PTK2: variants seen among roughly 807,000 people sequenced by gnomAD.
PTK2 encodes the protein focal adhesion kinase 1.
A neutral mutation model predicts 150.1 loss-of-function variants in PTK2; 45 were observed. That is an observed-to-expected ratio of 0.30 (90% CI 0.24 to 0.38). The LOEUF (loss-of-function observed/expected upper bound fraction) is 0.38, where lower values mean the gene tolerates loss of function less well. Ranked by LOEUF, PTK2 falls within the 10% of genes least tolerant of loss-of-function variation. The probability of loss-of-function intolerance (pLI) is 1.00; values close to 1 mark genes in which losing one functional copy is unlikely to be tolerated. For missense variants in PTK2, 919 were observed against 1,307.3 expected (o/e 0.70, Z 4.58); for synonymous variants, 432 against 449.2 (o/e 0.96, Z 0.48).
chr8:140,675,753 T>G, intron 27 of PTK2: 2 of 433,822 alleles, frequency 4.6e-6, no homozygotes, highest in East Asian at 3.9e-5. Context: ...ACAAACACAG[T>G]GGTCATAACC....
At chr8:140,680,252 A>C (rs1290461108) in intron 27 of PTK2, among the ~76,000 whole-genome samples, 1 of 152,048 alleles carries the variant, frequency 6.6e-6, no homozygotes, top group Non-Finnish European at 1.5e-5. Flanking sequence ...TCTAAGACAG[A>C]GTTTTGCTCT....
intron 8 of PTK2, among the ~76,000 whole-genome samples, chr8:140,828,741 C>T (rs2100113463): frequency 6.6e-6 from 1 of 152,198 alleles, no homozygotes; most frequent in African/African-American, 2.4e-5. Flanking sequence ...AGCAGCATCC[C>T]TTCCACTTAA....
In PTK2 at chr8:140,968,990, C is replaced by A. The variant is rs114231173; in HGVS notation, c.-122+32135G>T. Among the ~76,000 whole-genome samples, 893 of 152,186 alleles carry A rather than the reference C, an allele frequency of 5.9e-3. 14 individuals carry two copies. Among genetic ancestry groups the A allele is most frequent in the African/African-American group, 0.02 (817 of 41,526 alleles). ...TTACCTGAGTAACAGAAGCAGTTTG[C>A]GAAGTGAACAGCTTCAGGTTTAGAT... is the stretch of plus-strand genomic sequence containing the variant. On this transcript the variant is annotated intron_variant, in intron 1 of 31. Coordinates refer to ENST00000522684, the Ensembl canonical transcript of PTK2.
At chr8:140,870,207 AT>A (rs1316666244) in intron 4 of PTK2, among the ~76,000 whole-genome samples, 1 of 152,200 alleles carries the variant, frequency 6.6e-6, no homozygotes, top group African/African-American at 2.4e-5. Context: ...ACAAAATAAA[AT>A]CAATAACCAA....
chr8:140,872,546 TG>T (rs1364237061), intron 4 of PTK2, among the ~76,000 whole-genome samples: 1 of 152,168 alleles, frequency 6.6e-6, no homozygotes, highest in East Asian at 1.9e-4. Context: ...CTGGACTGAC[TG>T]GGGAAGCGCT....
chr8:140,787,141 T>A (rs575551158), intron 14 of PTK2, among the ~76,000 whole-genome samples: 1 of 152,178 alleles, frequency 6.6e-6, no homozygotes, highest in Admixed American at 6.5e-5. Flanking sequence ...TCTAAGAGCA[T>A]GGAGAAGGTA....
intron 7 of PTK2, among the ~76,000 whole-genome samples, chr8:140,835,681 T>C (rs971675597): frequency 6.6e-6 from 1 of 152,184 alleles, no homozygotes; most frequent in Admixed American, 6.5e-5. Context: ...TATGCGACTA[T>C]GTTTTCTCCT....
Position 140,895,060 on chromosome 8 carries a change from A to C in PTK2, c.-32-4291T>G, listed in dbSNP as rs2100155626. Among the ~76,000 whole-genome samples the C allele has an allele frequency of 2.6e-5, 4 of 152,246 alleles. No individual in the cohort carries two copies. The South Asian group carries it at 8.3e-4, about 31-fold the overall frequency. On this transcript the variant is annotated intron_variant, in intron 2 of 31. Coordinates refer to ENST00000522684, the Ensembl canonical transcript of PTK2. ...CAGAGTATATTCTGTGTCTAGCATT[A>C]GGCTAGACAACAATTACAAAATAAC...
At chr8:140,973,915 C>T (rs761513113) in intron 1 of PTK2, among the ~76,000 whole-genome samples, 3 of 152,114 alleles carry the variant, frequency 2.0e-5, no homozygotes, top group Non-Finnish European at 2.9e-5. Flanking sequence ...ATCTTTGCCC[C>T]ATCACACTTT....
intron 14 of PTK2, among the ~76,000 whole-genome samples, chr8:140,786,542 T>C (rs984016309): frequency 4.6e-5 from 7 of 152,158 alleles, no homozygotes; most frequent in Non-Finnish European, 8.8e-5. Flanking sequence ...TTTTAGGTTT[T>C]ATGGTTTTGT....
intron 4 of PTK2, among the ~76,000 whole-genome samples, chr8:140,869,795 T>G (rs1330387540): frequency 6.6e-6 from 1 of 151,496 alleles, no homozygotes; most frequent in African/African-American, 2.4e-5. Context: ...AAAGAATAGA[T>G]GAAGATATTA....
intron 1 of PTK2, among the ~76,000 whole-genome samples, chr8:140,955,569 A>G (rs1337063836): frequency 6.6e-6 from 1 of 152,276 alleles, no homozygotes; most frequent in Non-Finnish European, 1.5e-5. Context: ...CCCACAGGAC[A>G]GGGAGAAATG....
At chr8:140,880,627 T>C (rs2100148606) in intron 3 of PTK2, among the ~76,000 whole-genome samples, 1 of 152,218 alleles carries the variant, frequency 6.6e-6, no homozygotes, top group South Asian at 2.1e-4. Flanking sequence ...TTTTTAAAAT[T>C]AGCAATTAAT....
At chr8:140,739,469 G>A (rs1274355555) in intron 20 of PTK2, among the ~76,000 whole-genome samples, 5 of 152,218 alleles carry the variant, frequency 3.3e-5, no homozygotes, top group Non-Finnish European at 5.9e-5. Flanking sequence ...TAGAATGCTC[G>A]CTATACACAT....
chr8:140,709,527 T>C (rs1010880852), intron 23 of PTK2, among the ~76,000 whole-genome samples: 4 of 152,246 alleles, frequency 2.6e-5, no homozygotes, highest in African/African-American at 4.8e-5. Flanking sequence ...TGAGCCAGAC[T>C]GTCAGTGTTC....
chr8:140,694,827 C>T (rs539213769), intron 26 of PTK2, among the ~76,000 whole-genome samples: 22 of 152,318 alleles, frequency 1.4e-4, no homozygotes, highest in Non-Finnish European at 2.4e-4. Context: ...CCATAAAGCA[C>T]GTGTGCTCAT....
chr8:140,692,510 G>A (rs1461553915), intron 26 of PTK2, among the ~76,000 whole-genome samples: 3 of 152,170 alleles, frequency 2.0e-5, no homozygotes, highest in East Asian at 3.8e-4. Flanking sequence ...CCAGCTAGTC[G>A]GGAGGCTGAA....
chr8:140,773,836 G>A (rs1451747994), intron 14 of PTK2, among the ~76,000 whole-genome samples: 1 of 152,192 alleles, frequency 6.6e-6, no homozygotes, highest in Non-Finnish European at 1.5e-5. Context: ...TGAAGATAAT[G>A]GGTAAGGCCA....
At chr8:140,869,022 A>C (rs2100141005) in intron 4 of PTK2, among the ~76,000 whole-genome samples, 2 of 152,146 alleles carry the variant, frequency 1.3e-5, no homozygotes, top group African/African-American at 4.8e-5. Context: ...ATTTCTGTGT[A>C]CTATTTTGCA....
Sources: allele counts gnomAD v4.1 joint callset (sites outside exome capture counted in the v4.1 genomes callset), GRCh38; gene constraint gnomAD v4.1.1; transcripts MANE v1.5; gene names NCBI Gene and HGNC (gene_info 2026-07-23, HGNC 2026-07-21).